The following DDX42 variants were observed in gnomAD, a reference collection of about 807,000 sequenced individuals.
The protein encoded by DDX42 is DEAD-box helicase 42.
Under a neutral mutation model 101.5 loss-of-function variants are expected in DDX42, and 22 were observed. That is an observed-to-expected ratio of 0.22 (90% CI 0.15 to 0.31). The LOEUF is 0.31. DDX42 is among the 10% of genes least tolerant of loss of function. The pLI, the probability that DDX42 is intolerant of heterozygous loss-of-function variation, is 1.00. For synonymous variants in DDX42, 402 were observed against 401.2 expected, an observed-to-expected ratio of 1.00 and a Z score of -0.02; for missense variants, 849 against 1,199.9, an observed-to-expected ratio of 0.71 and a Z score of 4.32.
chr17:63,784,065 C>G (rs560752848), intron 1 of DDX42, among the ~76,000 whole-genome samples: 1 of 151,322 alleles, frequency 6.6e-6, no homozygotes, highest in Non-Finnish European at 1.5e-5. Context: ...CTCTGTCTCC[C>G]AAAAAAACAA....
At chr17:63,812,920 A>C (rs2039929667) in intron 14 of DDX42, among the ~76,000 whole-genome samples, 2 of 152,138 alleles carry the variant, frequency 1.3e-5, no homozygotes, top group South Asian at 4.1e-4. Flanking sequence ...AGCTACTTGG[A>C]AAGCTGAGGC....
At chr17:63,778,787 C>T (rs746726740) in intron 1 of DDX42, among the ~76,000 whole-genome samples, 5 of 152,032 alleles carry the variant, frequency 3.3e-5, no homozygotes, top group Admixed American at 6.6e-5. Flanking sequence ...ACTATGGGTG[C>T]GCGCCATCAC....
At chr17:63,781,777 G>A (rs984554495) in intron 1 of DDX42, among the ~76,000 whole-genome samples, 2 of 151,950 alleles carry the variant, frequency 1.3e-5, no homozygotes, top group Non-Finnish European at 2.9e-5. Flanking sequence ...TTGGGAGGCC[G>A]AGGCAGGTGG....
chr17:63,816,651 T>C (rs2039980279), intron 16 of DDX42: 1 of 409,894 alleles, frequency 2.4e-6, no homozygotes, highest in Non-Finnish European at 4.3e-6. Context: ...TTCTGTTTAA[T>C]AGGGTTAATT....
Position 63,806,629 on chromosome 17 carries a change from C to T in DDX42, c.821C>T (p.Thr274Ile), listed in dbSNP as rs774680490. The change falls in exon 8 of 18, where the codon ACA becomes ATA. Residue 274 changes from threonine (T) to isoleucine (I), a missense_variant. Physicochemically the swap from Thr to Ile is moderately conservative, Grantham distance 89 (BLOSUM62 -1). Transcript: ENST00000389924. ...CACCAGATTCGGAAATCTGAATACA[C>T]ACAGCCCACTCCAATACAGTGCCAG... is the stretch of plus-strand genomic sequence containing the variant. ...LMHQIRKSEY[T>I]QPTPIQCQGV... 5 of 1,613,414 alleles carry T rather than the reference C, an allele frequency of 3.1e-6. No homozygotes were observed. The Admixed American group carries it at 5.0e-5, about 16-fold the overall frequency.
rs796518388 is a variant in DDX42, at chr17:63,774,228, CGGCGGTGGTGGTGGT to C, written c.-159_-145del. 2.6e-3 allele frequency: 604 copies of C among 234,810 alleles called. 8 individuals carry two copies. Among genetic ancestry groups the C allele is most frequent in the African/African-American group, 0.016 (556 of 34,362 alleles). 14.5% of individuals were successfully genotyped at this position (234,810 alleles called of 1,614,324 possible). A position where few individuals can be genotyped will look rare whatever the true frequency, so the allele number is the denominator to read the frequency against. On this transcript the variant is annotated 5_prime_UTR_variant, in exon 1 of 18. Coordinates refer to ENST00000389924, the MANE Select transcript of DDX42 (RefSeq NM_203499.3). ...GCGGTGGCGGTGGTGGCGGTGGCGGCGGCGGTGGTGGTGGTGGCGGCGGCGGCGGCGAAGGGGGCG... is the reference window on the plus strand; with the variant it reads ...GCGGTGGCGGTGGTGGCGGTGGCGGCGGCGGCGGCGGCGGCGAAGGGGGCG...
rs1328554723 is a variant in DDX42 at position 63,805,193 on chromosome 17, C to G, written c.726+18C>G. 2 of 1,607,414 alleles carry G rather than the reference C, an allele frequency of 1.2e-6. No individual in the cohort carries two copies. Among genetic ancestry groups the G allele is most frequent in the African/African-American group, 2.7e-5 (2 of 74,624 alleles). ...ATCTTCGGGTAAGCATCATTAAGCT[C>G]AATATTCTTAATATTAATGTTAATT... On this transcript the variant is annotated intron_variant, in intron 7 of 17. Transcript: ENST00000389924.
chr17:63,817,506 C>T (rs2039990857), intron 17 of DDX42, 188 bp from the exon 18 acceptor site: 1 of 591,502 alleles, frequency 1.7e-6, no homozygotes, highest in Admixed American at 3.0e-5. Context: ...CATCTCTCCA[C>T]AGAGATCCAC....
At position 63,818,010 on chromosome 17, in the gene DDX42, A is replaced by G; in HGVS notation, c.2429A>G (p.Tyr810Cys). 1 of 1,614,158 alleles carries G rather than the reference A, an allele frequency of 6.2e-7. No homozygotes were observed. Among genetic ancestry groups the G allele is most frequent in the Non-Finnish European group, 8.5e-7 (1 of 1,180,036 alleles). The change falls in exon 18 of 18, where the codon TAT (tyrosine) becomes TGT (cysteine). Residue 810 changes from tyrosine to cysteine, a missense_variant. This residue lies in a region of DDX42 where 300 missense variants were observed against 304.9 expected (regional missense o/e 0.98). Coordinates refer to ENST00000389924, the MANE Select transcript of DDX42 (RefSeq NM_203499.3). ...GGCAGCAACGGGAAAAGAGAGAGAT[A>G]TACTGAGAACCGGGGCAGCAGCCGT... ...TGGSNGKRER[Y>C]TENRGSSRHS...
chr17:63,813,484 C>T (rs1448781236), intron 15 of DDX42, 30 bp downstream of exon 15: 1 of 1,591,522 alleles, frequency 6.3e-7, no homozygotes, highest in Non-Finnish European at 8.6e-7. Flanking sequence ...TTCAATTGCT[C>T]CTGGTTATAA....
At chr17:63,785,704 C>T (rs972213198) in intron 1 of DDX42, among the ~76,000 whole-genome samples, 2 of 151,998 alleles carry the variant, frequency 1.3e-5, no homozygotes, top group Non-Finnish European at 2.9e-5. Context: ...TTCTTTGTAA[C>T]TCTTAACCAC....
At chr17:63,805,453 C>T (rs1350495306) in intron 7 of DDX42, 4 of 270,282 alleles carry the variant, frequency 1.5e-5, no homozygotes, top group African/African-American at 9.0e-5. Context: ...GTGGGAGTCC[C>T]CATCTAAAGG....
At chr17:63,809,476 C>A in intron 10 of DDX42, 84 bp from the exon 11 acceptor site, 1 of 1,040,926 alleles carries the variant, frequency 9.6e-7, no homozygotes. Flanking sequence ...AGAGAATTAG[C>A]ACTTTTGCCA....
chr17:63,815,497 T>C, intron 15 of DDX42, 66 bp from the exon 16 acceptor site: 10 of 1,241,848 alleles, frequency 8.1e-6, no homozygotes, highest in Middle Eastern at 2.1e-4. Context: ...TTCCTCTTTG[T>C]CCTCGTTCTC....
At chr17:63,782,429 G>C (rs1487142016) in intron 1 of DDX42, among the ~76,000 whole-genome samples, 1 of 151,974 alleles carries the variant, frequency 6.6e-6, no homozygotes, top group Non-Finnish European at 1.5e-5. Flanking sequence ...CCCCTGCTTG[G>C]CATCTCTACT....
chr17:63,789,546 C>CGTTTTTTTTTTTTTT lies in DDX42; in HGVS notation c.221+2276_221+2277insGTTTTTTTTTTTTTT, dbSNP rs138224520. 3.3e-5 allele frequency among the ~76,000 whole-genome samples: 4 copies of CGTTTTTTTTTTTTTT among 121,850 alleles called. 1 individual carries two copies. The highest frequency in any genetic ancestry group is 3.4e-5 in the African/African-American group (1 of 29,320). The allele number at this position is 121,850 out of a possible 152,430, so 79.9% of individuals were successfully genotyped here. ...ATTGGAAAAAAAAGCTTCTAAAAGA[C>CGTTTTTTTTTTTTTT]TTTTTTGTTTTTGTTTTTGTTTTTG... is the stretch of plus-strand genomic sequence containing the variant. On this transcript the variant is annotated intron_variant, in intron 2 of 17. Coordinates refer to ENST00000389924, the MANE Select transcript of DDX42 (RefSeq NM_203499.3).
At chr17:63,777,534 G>A (rs1048880148) in intron 1 of DDX42, among the ~76,000 whole-genome samples, 6 of 150,486 alleles carry the variant, frequency 4.0e-5, no homozygotes, top group East Asian at 3.9e-4. Context: ...TGCAAGCTCC[G>A]TCTCCCGGGT....
chr17:63,797,113 A>G lies in DDX42; in HGVS notation c.373-925A>G, dbSNP rs144987790. 5.1e-3 allele frequency among the ~76,000 whole-genome samples: 774 copies of G among 152,274 alleles called. 18 individuals are homozygous for G. The highest frequency in any genetic ancestry group is 0.018 in the African/African-American group (740 of 41,556). ...AATTTGCAGTATATAAAAATTGCCT[A>G]GGCCGGGCGCGGTGGATCACCTGAG... On this transcript the variant is annotated intron_variant, in intron 3 of 17. Coordinates refer to ENST00000389924, the MANE Select transcript of DDX42 (RefSeq NM_203499.3).
At chr17:63,778,104 T>G (rs1330159723) in intron 1 of DDX42, among the ~76,000 whole-genome samples, 1 of 152,232 alleles carries the variant, frequency 6.6e-6, no homozygotes, top group Non-Finnish European at 1.5e-5. Context: ...ATCTGAATAC[T>G]GACCTCCCTT....
Sources: allele counts gnomAD v4.1 joint callset (sites outside exome capture counted in the v4.1 genomes callset), GRCh38; gene constraint gnomAD v4.1.1; regional missense constraint gnomAD v4.1.1; transcripts MANE v1.5; gene names NCBI Gene and HGNC (gene_info 2026-07-23, HGNC 2026-07-21).